Variants in CDK14 observed in about 807,000 individuals in gnomAD.
CDK14 encodes the protein cyclin dependent kinase 14, also known as cyclin-dependent kinase 14.
CDK14 carries 34 observed loss-of-function variants against 60.7 expected under a neutral mutation model. The observed-to-expected ratio is 0.56, with a 90% confidence interval of 0.43 to 0.75. The LOEUF (loss-of-function observed/expected upper bound fraction) is 0.75, where lower values mean the gene tolerates loss of function less well. Ranked by LOEUF, CDK14 falls within the 30% of genes least tolerant of loss-of-function variation. The pLI, the probability that CDK14 is intolerant of heterozygous loss-of-function variation, is 0.00. For missense variants in CDK14, 482 were observed against 564.1 expected, an observed-to-expected ratio of 0.85 and a Z score of 1.47; for synonymous variants, 197 against 203.7, an observed-to-expected ratio of 0.97 and a Z score of 0.28.
At chr7:91,050,266 T>G (rs149228523) in intron 11 of CDK14, among the ~76,000 whole-genome samples, 3,706 of 152,174 alleles carry the variant, frequency 0.024, 73 homozygotes, top group South Asian at 0.045. Context: ...TACTGAGAAT[T>G]GGGGGCCAGA....
chr7:90,658,525 G>T (rs567565733), intron 2 of CDK14, among the ~76,000 whole-genome samples: 3 of 152,206 alleles, frequency 2.0e-5, no homozygotes, highest in African/African-American at 7.2e-5. Context: ...ATTTTGGAGC[G>T]AGGAGCATAA....
intron 10 of CDK14, among the ~76,000 whole-genome samples, chr7:90,993,970 T>C (rs1219094800): frequency 5.3e-5 from 8 of 152,240 alleles, no homozygotes; most frequent in African/African-American, 1.9e-4. Context: ...AAATTTAACC[T>C]AATGTATTGC....
chr7:91,060,492 G>A (rs1036090146), intron 11 of CDK14, among the ~76,000 whole-genome samples: 2 of 152,204 alleles, frequency 1.3e-5, no homozygotes, highest in African/African-American at 2.4e-5. Flanking sequence ...TTTCTTCCTA[G>A]CCTCGATGGT....
At chr7:90,670,647 A>G (rs1801077410) in intron 2 of CDK14, among the ~76,000 whole-genome samples, 2 of 147,004 alleles carry the variant, frequency 1.4e-5, no homozygotes, top group Non-Finnish European at 3.0e-5. Flanking sequence ...CAAGAGCAGG[A>G]GCAAGAGAGA....
At chr7:91,143,312 G>A (rs192237261) in intron 14 of CDK14, among the ~76,000 whole-genome samples, 5 of 152,272 alleles carry the variant, frequency 3.3e-5, no homozygotes, top group Admixed American at 3.3e-4. Flanking sequence ...AGTAAAGACC[G>A]TTCACTATAG....
At chr7:91,176,958 A>T (rs1801785404) in intron 14 of CDK14, among the ~76,000 whole-genome samples, 1 of 152,150 alleles carries the variant, frequency 6.6e-6, no homozygotes, top group African/African-American at 2.4e-5. Flanking sequence ...AACTCATTTT[A>T]TGAGGCCAGC....
At chr7:90,732,788 C>T (rs77225399) in intron 3 of CDK14, among the ~76,000 whole-genome samples, 12 of 152,072 alleles carry the variant, frequency 7.9e-5, no homozygotes, top group Admixed American at 6.6e-4. Context: ...TTCAAAAAAC[C>T]AGCTCCTGTA....
At chr7:90,980,826 A>G (rs1031202451) in intron 9 of CDK14, among the ~76,000 whole-genome samples, 3 of 152,210 alleles carry the variant, frequency 2.0e-5, no homozygotes, top group Non-Finnish European at 1.5e-5. Flanking sequence ...TTCCAACTGA[A>G]TAGAATTGCA....
intron 4 of CDK14, among the ~76,000 whole-genome samples, chr7:90,750,219 A>C (rs528125020): frequency 6.6e-6 from 1 of 151,786 alleles, no homozygotes; most frequent in Non-Finnish European, 1.5e-5. Flanking sequence ...ATTACAGAGA[A>C]AGAAAAAGAA....
At chr7:91,173,479 C>A in intron 14 of CDK14, among the ~76,000 whole-genome samples, 1 of 152,152 alleles carries the variant, frequency 6.6e-6, no homozygotes, top group Middle Eastern at 3.4e-3. Flanking sequence ...GGAACAGCTC[C>A]GGTCTATAGC....
At chr7:90,836,749 T>C (rs897818799) in intron 5 of CDK14, among the ~76,000 whole-genome samples, 1 of 152,206 alleles carries the variant, frequency 6.6e-6, no homozygotes, top group African/African-American at 2.4e-5. Flanking sequence ...ATGCAGTAGG[T>C]TTGTTTGCAC....
intron 11 of CDK14, among the ~76,000 whole-genome samples, chr7:91,077,636 G>A (rs1584024225): frequency 6.6e-6 from 1 of 151,862 alleles, no homozygotes; most frequent in East Asian, 1.9e-4. Flanking sequence ...TCTTGCACAT[G>A]TATCCTGGAA....
intron 2 of CDK14, among the ~76,000 whole-genome samples, chr7:90,626,341 A>G (rs907616049): frequency 6.6e-6 from 1 of 152,108 alleles, no homozygotes; most frequent in Non-Finnish European, 1.5e-5. Context: ...TTCTTTGGGT[A>G]TAAATTTAGA....
chr7:91,158,991 T>C (rs893305975), intron 14 of CDK14, among the ~76,000 whole-genome samples: 1 of 152,226 alleles, frequency 6.6e-6, no homozygotes, highest in African/African-American at 2.4e-5. Context: ...ATGTGATATG[T>C]TGCTGATAGA....
chr7:91,013,908 T>C (rs934113362), intron 10 of CDK14, among the ~76,000 whole-genome samples: 1 of 152,056 alleles, frequency 6.6e-6, no homozygotes, highest in South Asian at 2.1e-4. Context: ...GAAATAACTA[T>C]TAAAAATAGG....
chr7:91,046,819 A>G (rs2116030621), intron 11 of CDK14, among the ~76,000 whole-genome samples: 1 of 152,268 alleles, frequency 6.6e-6, no homozygotes, highest in Non-Finnish European at 1.5e-5. Context: ...GCTATGAATA[A>G]TATCTGTTAG....
intron 5 of CDK14, among the ~76,000 whole-genome samples, chr7:90,836,278 C>T (rs1790095562): frequency 6.6e-6 from 1 of 152,184 alleles, no homozygotes; most frequent in Non-Finnish European, 1.5e-5. Flanking sequence ...AAGATGCAGA[C>T]ACATTGCCTA....
At chr7:91,163,591 A>G (rs1209176998) in intron 14 of CDK14, among the ~76,000 whole-genome samples, 1 of 151,284 alleles carries the variant, frequency 6.6e-6, no homozygotes, top group Non-Finnish European at 1.5e-5. Flanking sequence ...CCATCACCTC[A>G]CTTACTTACC....
chr7:90,733,955 C>G (rs547600974), intron 3 of CDK14, among the ~76,000 whole-genome samples: 1 of 152,228 alleles, frequency 6.6e-6, no homozygotes, highest in South Asian at 2.1e-4. Context: ...ACTGGTTGTT[C>G]CTTTCCATGT....
Sources: gnomAD v4.1 joint callset for allele counts (sites outside exome capture counted in the v4.1 genomes callset) on GRCh38, gnomAD v4.1.1 for gene constraint, MANE v1.5 for transcripts, NCBI Gene and HGNC (gene_info 2026-07-23, HGNC 2026-07-21) for gene names.